The following CUX1 variants were observed in gnomAD, a reference collection of about 807,000 sequenced individuals.
CUX1 encodes the protein protein CASP.
Under a neutral mutation model 158.8 loss-of-function variants are expected in CUX1, and 31 were observed. The observed-to-expected ratio is 0.20, with a 90% confidence interval of 0.15 to 0.26. The LOEUF is 0.26. CUX1 is among the 10% of genes least tolerant of loss of function. The pLI is 1.00. For missense variants in CUX1, 1,589 were observed against 2,014.6 expected, an observed-to-expected ratio of 0.79 and a Z score of 4.04; for synonymous variants, 879 against 862.1, an observed-to-expected ratio of 1.02 and a Z score of -0.34.
intron 4 of CUX1, among the ~76,000 whole-genome samples, chr7:102,070,921 G>T (rs987099154): frequency 1.5e-5 from 2 of 133,594 alleles, no homozygotes; most frequent in African/African-American, 6.0e-5. Context: ...CTACAACCAA[G>T]TATATCAGTT....
At chr7:102,122,258 G>A (rs1554493724) in intron 8 of CUX1, among the ~76,000 whole-genome samples, 1 of 152,066 alleles carries the variant, frequency 6.6e-6, no homozygotes, top group East Asian at 1.9e-4. Flanking sequence ...ACCCTGGTTG[G>A]ATTAATTTCC....
chr7:101,920,610 T>C (rs1804802642), intron 2 of CUX1, among the ~76,000 whole-genome samples: 1 of 152,170 alleles, frequency 6.6e-6, no homozygotes, highest in African/African-American at 2.4e-5. Flanking sequence ...TTTTATATCA[T>C]TAGATTAATA....
At chr7:101,984,134 ACACAC>A (rs1813943731) in intron 2 of CUX1, among the ~76,000 whole-genome samples, 1 of 68,598 alleles carries the variant, frequency 1.5e-5, no homozygotes, top group Non-Finnish European at 3.3e-5. Context: ...ATATATACAC[ACACAC>A]ATATATATAT....
chr7:102,119,566 G>T (rs1330301513), intron 8 of CUX1, among the ~76,000 whole-genome samples: 1 of 152,214 alleles, frequency 6.6e-6, no homozygotes, highest in Non-Finnish European at 1.5e-5. Flanking sequence ...ATTAATGCAA[G>T]ATTCCTTAGA....
chr7:101,879,470 A>T (rs1438305238), intron 1 of CUX1, among the ~76,000 whole-genome samples: 1 of 152,034 alleles, frequency 6.6e-6, no homozygotes, highest in Non-Finnish European at 1.5e-5. Context: ...TTCTAAATCA[A>T]TGCATTCTAG....
At chr7:101,856,569 G>A (rs142129328) in intron 1 of CUX1, among the ~76,000 whole-genome samples, 5 of 152,260 alleles carry the variant, frequency 3.3e-5, no homozygotes, top group South Asian at 2.1e-4. Flanking sequence ...ACAAAGCCAC[G>A]CAATCTGTTT....
intron 2 of CUX1, among the ~76,000 whole-genome samples, chr7:101,976,965 T>G (rs564138816): frequency 3.2e-5 from 4 of 125,928 alleles, no homozygotes; most frequent in Admixed American, 2.1e-4. Context: ...CAGGCTGGAG[T>G]GTCGTGGCAT....
chr7:102,058,838 A>C (rs1446055554), intron 3 of CUX1, among the ~76,000 whole-genome samples: 5 of 152,178 alleles, frequency 3.3e-5, no homozygotes, highest in Non-Finnish European at 7.4e-5. Flanking sequence ...GGGGAGCATT[A>C]CCCCATCTTA....
At chr7:102,247,449 G>T (rs1339921195) in intron 23 of CUX1, among the ~76,000 whole-genome samples, 1 of 152,226 alleles carries the variant, frequency 6.6e-6, no homozygotes, top group African/African-American at 2.4e-5. Flanking sequence ...CAAGGCCTGG[G>T]TGTACAAAGA....
chr7:102,269,563 G>T (rs1554545771), intron 14 of CUX1, among the ~76,000 whole-genome samples: 1 of 142,276 alleles, frequency 7.0e-6, no homozygotes, highest in African/African-American at 2.6e-5. Flanking sequence ...CCGCCACCAT[G>T]CCCGGCTAAT....
At chr7:102,119,539 T>G (rs1554492801) in intron 8 of CUX1, among the ~76,000 whole-genome samples, 1 of 152,148 alleles carries the variant, frequency 6.6e-6, no homozygotes, top group East Asian at 1.9e-4. Context: ...GAGGTAAAAG[T>G]GTTCTTCTTC....
intron 2 of CUX1, among the ~76,000 whole-genome samples, chr7:102,017,856 T>C (rs1191551959): frequency 6.6e-6 from 1 of 152,084 alleles, no homozygotes; most frequent in Non-Finnish European, 1.5e-5. Flanking sequence ...CAGAAAAACA[T>C]GTGGTTCCTC....
At chr7:102,223,635 G>A (rs11761564) in intron 20 of CUX1, among the ~76,000 whole-genome samples, 9,429 of 152,062 alleles carry the variant, frequency 0.062, 404 homozygotes, top group Non-Finnish European at 0.094. Flanking sequence ...GAAACAACAA[G>A]GCTTTGCTCT....
rs782739765 is a variant in CUX1, at chr7:102,248,464, G to A, written c.3940G>A (p.Gly1314Ser). ...FIEEIQAGSQ[G>S]QAGASDSPSA... is the part of the protein sequence containing the mutation. ...TGAGGAAATTCAGGCCGGGAGTCAGGGCCAGGCGGGCGCCAGCGACTCACC... is the reference window on the plus strand; with the variant it reads ...TGAGGAAATTCAGGCCGGGAGTCAGAGCCAGGCGGGCGCCAGCGACTCACC... Residue 1314 changes from glycine (G) to serine (S), a missense_variant, in exon 24 of 24, where the codon GGC becomes AGC. Coordinates refer to ENST00000292535, the MANE Select transcript of CUX1 (RefSeq NM_181552.4). This position sits in a 1 kb window ranked among gnomAD's most constrained non-coding sequence, Gnocchi z 5.8. 1 of 1,596,798 alleles carries A rather than the reference G, an allele frequency of 6.3e-7. No individual in the cohort carries two copies. Among genetic ancestry groups the A allele is most frequent in the South Asian group, 1.1e-5 (1 of 90,018 alleles).
intron 1 of CUX1, among the ~76,000 whole-genome samples, chr7:101,864,220 G>T (rs2131385270): frequency 6.6e-6 from 1 of 151,896 alleles, no homozygotes; most frequent in East Asian, 1.9e-4. Flanking sequence ...GAGTGCAGTG[G>T]CACAATCATG....
intron 1 of CUX1, among the ~76,000 whole-genome samples, chr7:101,821,848 T>TG (rs1562885178): frequency 2.6e-5 from 3 of 116,158 alleles, no homozygotes; most frequent in African/African-American, 1.1e-4. Flanking sequence ...CTAGTTTTTT[T>TG]GTTTTTTTGT....
chr7:102,195,515 C>G lies in CUX1; in HGVS notation c.1134C>G (p.Ala378=), dbSNP rs946985028. 1.5e-5 allele frequency: 24 copies of G among 1,611,958 alleles called. No homozygotes were observed. Among genetic ancestry groups the G allele is most frequent in the Non-Finnish European group, 1.9e-5 (22 of 1,179,716 alleles). ...PSEGAGTQDA[A]KPLEVLLLEK... is the part of the protein sequence containing the mutation. ...CGCTCTGCCCCTTCTAGGATGCGGCCAAGCCCCTGGAGGTGCTGTTGCTGG... is the reference window on the plus strand; with the variant it reads ...CGCTCTGCCCCTTCTAGGATGCGGCGAAGCCCCTGGAGGTGCTGTTGCTGG... The change falls in exon 14 of 24, where the codon GCC becomes GCG. Residue 378 remains alanine, a synonymous_variant. Coordinates refer to ENST00000292535, the MANE Select transcript of CUX1 (RefSeq NM_181552.4).
chr7:102,150,658 C>T (rs1835547322), intron 8 of CUX1, among the ~76,000 whole-genome samples: 2 of 152,186 alleles, frequency 1.3e-5, no homozygotes, highest in Admixed American at 6.5e-5. Flanking sequence ...AGGAGGCTTG[C>T]GTGAAAGTAA....
chr7:102,279,217 T>C (rs1554548573), intron 18 of CUX1, among the ~76,000 whole-genome samples: 1 of 152,136 alleles, frequency 6.6e-6, no homozygotes. Context: ...GTCATGCACC[T>C]GTAATCCCAG....
Sources: gnomAD v4.1 joint callset for allele counts (sites outside exome capture counted in the v4.1 genomes callset) on GRCh38, gnomAD v4.1.1 for gene constraint, Gnocchi (gnomAD v3.1) non-coding constraint, MANE v1.5 for transcripts, NCBI Gene and HGNC (gene_info 2026-07-23, HGNC 2026-07-21) for gene names.